MEGF11: variants seen among roughly 807,000 people sequenced by gnomAD.
MEGF11 encodes the protein multiple EGF like domains 11.
Under a neutral mutation model 146.6 loss-of-function variants are expected in MEGF11, and 126 were observed. The ratio of observed to expected loss-of-function variants is 0.86; its 90% CI spans 0.74 to 1.00. The LOEUF (loss-of-function observed/expected upper bound fraction) is 1.00. MEGF11 is among the 50% of genes least tolerant of loss of function. The pLI is 0.00. For synonymous variants in MEGF11, 532 were observed against 583.4 expected, an observed-to-expected ratio of 0.91 and a Z score of 1.27; for missense variants, 1,509 against 1,521.2, an observed-to-expected ratio of 0.99 and a Z score of 0.13.
chr15:66,150,384 A>G (rs2089517974), intron 1 of MEGF11, among the ~76,000 whole-genome samples: 1 of 152,236 alleles, frequency 6.6e-6, no homozygotes, highest in Admixed American at 6.5e-5. Flanking sequence ...CTGACTGTTA[A>G]TGACATGTAA....
chr15:66,121,214 C>G (rs1460811729), intron 3 of MEGF11, among the ~76,000 whole-genome samples: 1 of 152,216 alleles, frequency 6.6e-6, no homozygotes, highest in African/African-American at 2.4e-5. Flanking sequence ...GGCCATACCC[C>G]TGAGCAAACT....
At chr15:65,929,380 T>A (rs2079490674) in intron 12 of MEGF11, among the ~76,000 whole-genome samples, 1 of 152,114 alleles carries the variant, frequency 6.6e-6, no homozygotes, top group South Asian at 2.1e-4. Flanking sequence ...CTCTCATGGA[T>A]TAGTAAGGGC....
At chr15:65,900,442 A>G (rs1239507787) in intron 24 of MEGF11, among the ~76,000 whole-genome samples, 5 of 152,242 alleles carry the variant, frequency 3.3e-5, no homozygotes, top group African/African-American at 1.2e-4. Flanking sequence ...CTTATCTCCC[A>G]TAAAAGGCAA....
chr15:66,095,850 C>CT (rs1248818226), intron 4 of MEGF11, among the ~76,000 whole-genome samples: 1 of 152,232 alleles, frequency 6.6e-6, no homozygotes, highest in African/African-American at 2.4e-5. Context: ...TTCCCCAGTG[C>CT]TGGAGCCCCG....
In MEGF11 at chr15:65,916,886, G is replaced by A. The variant is rs1162018803; in HGVS notation, c.2157C>T (p.Ser719=). Residue 719 remains serine (S), a synonymous_variant, in exon 17 of 26, where the codon AGC becomes AGT. Coordinates refer to ENST00000395614, the MANE Select transcript of MEGF11 (RefSeq NM_001385028.1). ...ACSCHNGASC[S]AEDGACHCTP... ...TGCAGTGGCAGGCCCCGTCCTCGGC[G>A]CTGCAGCTCGCCCCGTTGTGGCAGC... 1.3e-6 allele frequency: 2 copies of A among 1,585,172 alleles called. No individual in the cohort carries two copies. The highest frequency in any genetic ancestry group is 2.3e-5 in the East Asian group (1 of 43,492).
At chr15:65,940,614 T>C (rs980326957) in intron 10 of MEGF11, among the ~76,000 whole-genome samples, 1 of 152,174 alleles carries the variant, frequency 6.6e-6, no homozygotes, top group Admixed American at 6.5e-5. Context: ...AGGTGCATGT[T>C]GGGGAAAAGA....
intron 5 of MEGF11, among the ~76,000 whole-genome samples, chr15:65,984,550 A>AG (rs2081783735): frequency 1.3e-5 from 2 of 148,830 alleles, no homozygotes; most frequent in Middle Eastern, 3.4e-3. Context: ...AAAAAAAAAA[A>AG]GGCTCACAGG....
chr15:66,094,891 A>G (rs1378339067), intron 4 of MEGF11, among the ~76,000 whole-genome samples: 2 of 152,050 alleles, frequency 1.3e-5, no homozygotes, highest in East Asian at 1.9e-4. Flanking sequence ...TTTCCCTAGT[A>G]TCCTTCTGAA....
intron 10 of MEGF11, among the ~76,000 whole-genome samples, chr15:65,938,217 T>G (rs1398629050): frequency 6.6e-6 from 1 of 152,244 alleles, no homozygotes; most frequent in Non-Finnish European, 1.5e-5. Flanking sequence ...CTGCCTTGTT[T>G]TATAGGTGAG....
chr15:66,020,991 C>CAA (rs35364286), intron 5 of MEGF11, among the ~76,000 whole-genome samples: 10 of 70,784 alleles, frequency 1.4e-4, no homozygotes, highest in African/African-American at 5.6e-4. Context: ...AACTCCATCT[C>CAA]AAAAAAAAAA....
chr15:66,053,062 A>G (rs2571354), intron 5 of MEGF11, among the ~76,000 whole-genome samples: 137,175 of 152,010 alleles, frequency 0.9, 62,646 homozygotes, highest in East Asian at 0.98. Flanking sequence ...ATGGATGGAT[A>G]GATGGATGGA....
intron 5 of MEGF11, among the ~76,000 whole-genome samples, chr15:66,056,537 G>A (rs1197595836): frequency 1.3e-5 from 2 of 152,160 alleles, no homozygotes; most frequent in Non-Finnish European, 2.9e-5. Context: ...TCAGCATTGG[G>A]CCTACAACTC....
chr15:65,931,138 C>T (rs1007834414), intron 10 of MEGF11, among the ~76,000 whole-genome samples, 195 bp from the exon 11 acceptor site: 7 of 152,134 alleles, frequency 4.6e-5, no homozygotes, highest in Non-Finnish European at 7.3e-5. Flanking sequence ...GAATGTCAGG[C>T]GTTCAGGGGT....
intron 9 of MEGF11, among the ~76,000 whole-genome samples, 165 bp from the exon 10 acceptor site, chr15:65,957,886 A>G (rs1052444817): frequency 5.3e-5 from 8 of 152,194 alleles, no homozygotes; most frequent in African/African-American, 1.4e-4. Context: ...TGCCAAGGCC[A>G]CATGGTCTCA....
chr15:65,983,590 C>G (rs1054069220), intron 5 of MEGF11, among the ~76,000 whole-genome samples: 8 of 152,172 alleles, frequency 5.3e-5, no homozygotes, highest in Non-Finnish European at 1.0e-4. Context: ...AAAACAGAAG[C>G]CATCTCAAGT....
At chr15:66,183,392 C>T (rs1411605546) in intron 1 of MEGF11, among the ~76,000 whole-genome samples, 4 of 151,866 alleles carry the variant, frequency 2.6e-5, no homozygotes, top group Non-Finnish European at 5.9e-5. Context: ...CCCAGCTATT[C>T]GGGAGGCTGA....
intron 7 of MEGF11, among the ~76,000 whole-genome samples, chr15:65,973,517 G>A (rs1240652159): frequency 1.3e-5 from 2 of 152,228 alleles, no homozygotes; most frequent in East Asian, 3.8e-4. Flanking sequence ...CTACTCAGGA[G>A]GCTGAGGCAG....
At chr15:65,954,793 C>A (rs1254630029) in intron 10 of MEGF11, among the ~76,000 whole-genome samples, 1 of 152,176 alleles carries the variant, frequency 6.6e-6, no homozygotes, top group Non-Finnish European at 1.5e-5. Flanking sequence ...GCTAGTCTCC[C>A]AGGCCTTTCT....
chr15:66,122,084 G>A (rs1480235362), intron 3 of MEGF11, among the ~76,000 whole-genome samples: 1 of 152,044 alleles, frequency 6.6e-6, no homozygotes, highest in African/African-American at 2.4e-5. Flanking sequence ...CCAATATGGC[G>A]AAACCCCATC....
Sources: allele counts gnomAD v4.1 joint callset (sites outside exome capture counted in the v4.1 genomes callset), GRCh38; gene constraint gnomAD v4.1.1; transcripts MANE v1.5; gene names NCBI Gene and HGNC (gene_info 2026-07-23, HGNC 2026-07-21).